SCN9A: variants seen among roughly 807,000 people sequenced by gnomAD.
SCN9A encodes sodium channel protein type 9 subunit alpha.
A neutral mutation model predicts 187.0 loss-of-function variants in SCN9A; 131 were observed. The observed-to-expected ratio is 0.70, with a 90% confidence interval of 0.61 to 0.81. The LOEUF (loss-of-function observed/expected upper bound fraction) is 0.81. Among genes scored for constraint, SCN9A ranks in the 30% least tolerant of loss-of-function variants. SCN9A has a pLI of 0.00. For missense variants in SCN9A, 2,252 were observed against 2,396.6 expected (o/e 0.94, Z 1.26); for synonymous variants, 809 against 808.6 (o/e 1.00, Z -0.01).
chr2:166,219,704 T>A (rs1216815317), intron 24 of SCN9A, among the ~76,000 whole-genome samples: 1 of 152,090 alleles, frequency 6.6e-6, no homozygotes, highest in Non-Finnish European at 1.5e-5. Flanking sequence ...CTGCACATCC[T>A]GTACATGTAC....
chr2:166,317,307 T>C (rs1390545899), intron 1 of SCN9A, among the ~76,000 whole-genome samples: 2 of 152,032 alleles, frequency 1.3e-5, no homozygotes, highest in African/African-American at 4.8e-5. Context: ...TCTTGTCATG[T>C]TTAATTTACA....
chr2:166,332,095 A>G (rs1699518218), intron 1 of SCN9A, among the ~76,000 whole-genome samples: 1 of 152,148 alleles, frequency 6.6e-6, no homozygotes, highest in Non-Finnish European at 1.5e-5. Context: ...AGCTTATTCA[A>G]ATGGATTCTG....
intron 18 of SCN9A, among the ~76,000 whole-genome samples, chr2:166,248,454 A>G (rs1237408295): frequency 1.3e-5 from 2 of 152,098 alleles, no homozygotes; most frequent in East Asian, 1.9e-4. Flanking sequence ...AAACTCTACC[A>G]TACTAGTCTA....
At chr2:166,200,662 G>A (rs182461183) in intron 26 of SCN9A, among the ~76,000 whole-genome samples, 2 of 152,228 alleles carry the variant, frequency 1.3e-5, no homozygotes, top group East Asian at 3.9e-4. Flanking sequence ...TCAAGACAGA[G>A]TCTTGCTCTG....
At chr2:166,226,281 T>C (rs192552609) in intron 24 of SCN9A, among the ~76,000 whole-genome samples, 251 of 152,208 alleles carry the variant, frequency 1.6e-3, no homozygotes, top group African/African-American at 5.1e-3. Context: ...CAATCCTCTA[T>C]AGGAAACATT....
At chr2:166,342,789 A>G (rs1699817068) in intron 1 of SCN9A, among the ~76,000 whole-genome samples, 1 of 152,212 alleles carries the variant, frequency 6.6e-6, no homozygotes, top group African/African-American at 2.4e-5. Context: ...ATAAAATTGA[A>G]ACTTTTAAAG....
At chr2:166,348,951 C>T (rs1337223012) in intron 1 of SCN9A, among the ~76,000 whole-genome samples, 2 of 152,052 alleles carry the variant, frequency 1.3e-5, no homozygotes, top group African/African-American at 4.8e-5. Flanking sequence ...CATGGAGAAA[C>T]TCCATCTCTA....
At chr2:166,221,974 G>T (rs1431012055) in intron 24 of SCN9A, among the ~76,000 whole-genome samples, 1 of 152,054 alleles carries the variant, frequency 6.6e-6, no homozygotes, top group Non-Finnish European at 1.5e-5. Flanking sequence ...ACTCAAAATA[G>T]ATTAAACATT....
intron 9 of SCN9A, among the ~76,000 whole-genome samples, chr2:166,291,959 A>G (rs191028726): frequency 2.0e-5 from 3 of 152,336 alleles, no homozygotes; most frequent in Admixed American, 2.0e-4. Context: ...ACCCCAAACC[A>G]TGAAAACCCT....
intron 1 of SCN9A, among the ~76,000 whole-genome samples, chr2:166,358,813 T>C (rs181563231): frequency 6.6e-6 from 1 of 152,224 alleles, no homozygotes; most frequent in Non-Finnish European, 1.5e-5. Flanking sequence ...GTAATGACAT[T>C]GATATATTAT....
intron 10 of SCN9A, among the ~76,000 whole-genome samples, chr2:166,287,197 T>C (rs920675100): frequency 5.3e-5 from 8 of 152,042 alleles, no homozygotes; most frequent in Admixed American, 2.0e-4. Context: ...CACTAAAAAA[T>C]TCTTGTAAAA....
intron 12 of SCN9A, 128 bp from the exon 13 acceptor site, chr2:166,281,936 T>C: frequency 1.3e-6 from 1 of 764,046 alleles, no homozygotes; most frequent in Non-Finnish European, 2.0e-6. Context: ...GTTCAAATTA[T>C]GGCTCTGCTA....
intron 8 of SCN9A, among the ~76,000 whole-genome samples, chr2:166,294,067 G>A (rs768823801): frequency 6.6e-6 from 1 of 152,166 alleles, no homozygotes; most frequent in Non-Finnish European, 1.5e-5. Context: ...GCTACAAAAT[G>A]AAGTTGGTGT....
At chr2:166,242,469 T>C in intron 19 of SCN9A, 33 bp downstream of exon 19, 1 of 1,491,552 alleles carries the variant, frequency 6.7e-7, no homozygotes, top group Non-Finnish European at 9.0e-7. Flanking sequence ...ATTGACTTAA[T>C]CAATATATTG....
At chr2:166,228,247 C>CTTTTTTTTT (rs33924683) in intron 22 of SCN9A, among the ~76,000 whole-genome samples, 1 of 85,996 alleles carries the variant, frequency 1.2e-5, no homozygotes, top group Non-Finnish European at 2.2e-5. Context: ...AAGACCAACA[C>CTTTTTTTTT]TTTTTTTTTT....
intron 3 of SCN9A, 82 bp from the exon 4 acceptor site, chr2:166,306,681 C>T: frequency 9.8e-7 from 1 of 1,022,524 alleles, no homozygotes; most frequent in Non-Finnish European, 1.5e-6. Flanking sequence ...ATGCTTACAA[C>T]TTTTCCTAAG....
chr2:166,308,759 A>G (rs1481746920), intron 2 of SCN9A, among the ~76,000 whole-genome samples: 1 of 151,874 alleles, frequency 6.6e-6, no homozygotes, highest in Non-Finnish European at 1.5e-5. Flanking sequence ...CGTCTCTACT[A>G]AAAATACAAA....
rs202161030 is a variant in SCN9A, at chr2:166,197,657, C to G, written c.*1015G>C. The G allele has an allele frequency of 6.6e-6, 1 of 152,032 alleles. No homozygotes were observed. The highest frequency in any genetic ancestry group is 1.5e-5 in the Non-Finnish European group (1 of 67,972). The allele number at this position is 152,032 out of a possible 1,614,324, so 9.4% of individuals were successfully genotyped here. A position where few individuals can be genotyped will look rare whatever the true frequency, so the allele number is the denominator to read the frequency against. ...AAGTTATTATCTGCTCAAGTATGTA[C>G]CGTGGTCAAACAACTAACTGCATAT... On this transcript the variant is annotated 3_prime_UTR_variant, in exon 27 of 27. Transcript: ENST00000642356.
intron 13 of SCN9A, 23 bp downstream of exon 13, chr2:166,281,656 A>G (rs199810476): frequency 2.2e-5 from 36 of 1,602,996 alleles, no homozygotes; most frequent in Admixed American, 5.1e-5. Context: ...GAATCTGTAC[A>G]GTAAAAGAAG....
Sources: allele counts gnomAD v4.1 joint callset (sites outside exome capture counted in the v4.1 genomes callset), GRCh38; gene constraint gnomAD v4.1.1; transcripts MANE v1.5; gene names NCBI Gene and HGNC (gene_info 2026-07-23, HGNC 2026-07-21).